SIPA1L1: variants seen among roughly 807,000 people sequenced by gnomAD.
SIPA1L1 encodes the protein signal induced proliferation associated 1 like 1.
SIPA1L1 carries 26 observed loss-of-function variants against 162.7 expected under a neutral mutation model. The observed-to-expected ratio is 0.16, with a 90% CI of 0.12 to 0.22. The LOEUF is 0.22. Among genes scored for constraint, SIPA1L1 ranks in the 10% least tolerant of loss-of-function variants. The probability of loss-of-function intolerance (pLI) is 1.00; values close to 1 mark genes in which losing one functional copy is unlikely to be tolerated. For synonymous variants in SIPA1L1, 829 were observed against 837.4 expected (o/e 0.99, Z 0.17); for missense variants, 1,874 against 2,241.0 (o/e 0.84, Z 3.31).
chr14:71,528,380 C>T (rs911780754), intron 3 of SIPA1L1, among the ~76,000 whole-genome samples: 1 of 152,214 alleles, frequency 6.6e-6, no homozygotes, highest in East Asian at 1.9e-4. Context: ...TTCAGCTGGG[C>T]GCAGTATCTC....
chr14:71,728,098 A>G (rs1372363025), intron 19 of SIPA1L1, among the ~76,000 whole-genome samples: 1 of 152,188 alleles, frequency 6.6e-6, no homozygotes, highest in African/African-American at 2.4e-5. Context: ...TGGAAAAGGA[A>G]ATCCCTTTAC....
chr14:71,342,453 A>C (rs1175116693), intron 2 of SIPA1L1, among the ~76,000 whole-genome samples: 1 of 152,216 alleles, frequency 6.6e-6, no homozygotes, highest in Non-Finnish European at 1.5e-5. Context: ...ACAGTGTATA[A>C]GAGTCCCCTA....
rs995167914 is a variant in SIPA1L1 at position 71,377,117 on chromosome 14, AG to A, written c.-465+55940del. ...CTTTCCAGATGTGGCGGCCGGGCAGAGGGGCCCCCCCACCCCCCAGATGGGG... is the reference window on the plus strand; with the variant it reads ...CTTTCCAGATGTGGCGGCCGGGCAGAGGGCCCCCCCACCCCCCAGATGGGG... On this transcript the variant is annotated intron_variant, in intron 2 of 23. Transcript: ENST00000381232. The surrounding 1 kb of genome is among the most constrained non-coding windows in gnomAD (Gnocchi z 4.8). 2.7e-5 allele frequency among the ~76,000 whole-genome samples: 4 copies of A among 150,354 alleles called. No individual in the cohort carries two copies. The highest frequency in any genetic ancestry group is 9.9e-5 in the African/African-American group (4 of 40,406).
intron 21 of SIPA1L1, among the ~76,000 whole-genome samples, chr14:71,734,985 C>T (rs979208168): frequency 1.1e-4 from 17 of 152,166 alleles, no homozygotes; most frequent in African/African-American, 3.9e-4. Flanking sequence ...AAATTTGGCA[C>T]AAGGACTGTT....
rs529775312 is a variant in SIPA1L1, at chr14:71,637,549, G to T, written c.1819-12786G>T. Among the ~76,000 whole-genome samples the T allele has an allele frequency of 1.8e-4, 28 of 152,140 alleles. No homozygotes were observed. In the East Asian group the frequency reaches 5.4e-3, roughly 29 times the overall value. ...GGTCAGCATTAGCCTGGGCAACATA[G>T]TGAGACACTGTCTCTACAAAAAATT... On this transcript the variant is annotated intron_variant, in intron 7 of 23. Transcript: ENST00000381232.
At chr14:71,651,401 A>C (rs2042606178) in intron 8 of SIPA1L1, among the ~76,000 whole-genome samples, 1 of 152,190 alleles carries the variant, frequency 6.6e-6, no homozygotes, top group Admixed American at 6.5e-5. Flanking sequence ...AGCATTCATA[A>C]ACTCCACTGC....
intron 2 of SIPA1L1, among the ~76,000 whole-genome samples, chr14:71,419,802 G>A (rs1004997551): frequency 6.6e-6 from 1 of 151,964 alleles, no homozygotes; most frequent in East Asian, 1.9e-4. Flanking sequence ...CGGCCAAGGA[G>A]GATCTCTTGA....
At chr14:71,578,357 T>C (rs2033428475) in intron 4 of SIPA1L1, among the ~76,000 whole-genome samples, 4 of 152,192 alleles carry the variant, frequency 2.6e-5, no homozygotes. Flanking sequence ...TGTGAGCCGC[T>C]GCACCTGGCC....
chr14:71,660,920 A>G (rs1457286387), intron 9 of SIPA1L1, among the ~76,000 whole-genome samples: 1 of 152,252 alleles, frequency 6.6e-6, no homozygotes, highest in East Asian at 1.9e-4. Context: ...CAGTTAAACC[A>G]GAACATAAAT....
At chr14:71,567,076 A>G (rs748564098) in intron 4 of SIPA1L1, among the ~76,000 whole-genome samples, 4 of 152,228 alleles carry the variant, frequency 2.6e-5, no homozygotes, top group Non-Finnish European at 4.4e-5. Context: ...AATGAAAGCA[A>G]CAAGATAACA....
chr14:71,527,909 G>A (rs1162756891), intron 3 of SIPA1L1, among the ~76,000 whole-genome samples: 4 of 152,134 alleles, frequency 2.6e-5, no homozygotes, highest in Non-Finnish European at 4.4e-5. Flanking sequence ...TTTTGAGACC[G>A]AGTCTCGCTC....
At chr14:71,559,305 TG>T (rs200677598) in intron 4 of SIPA1L1, among the ~76,000 whole-genome samples, 2,700 of 152,280 alleles carry the variant, frequency 0.018, 47 homozygotes, top group Non-Finnish European at 0.026. Context: ...TGACCTCAGG[TG>T]ATCTGCCCGC....
intron 13 of SIPA1L1, among the ~76,000 whole-genome samples, chr14:71,686,432 G>T (rs116882865): frequency 1.4e-3 from 209 of 152,324 alleles, no homozygotes; most frequent in Non-Finnish European, 2.5e-3. Context: ...TGGCTATACA[G>T]ATTTTAAGTA....
intron 19 of SIPA1L1, among the ~76,000 whole-genome samples, chr14:71,728,594 G>T (rs2084449927): frequency 6.6e-6 from 1 of 152,240 alleles, no homozygotes; most frequent in African/African-American, 2.4e-5. Flanking sequence ...GCGGAAGCAT[G>T]CTAGGCCCTG....
At chr14:71,477,386 A>G (rs1337227077) in intron 2 of SIPA1L1, among the ~76,000 whole-genome samples, 2 of 152,144 alleles carry the variant, frequency 1.3e-5, no homozygotes, top group Non-Finnish European at 2.9e-5. Context: ...AACAAAACAA[A>G]AAAAACAAAA....
At chr14:71,486,368 T>G (rs1445318554) in intron 2 of SIPA1L1, among the ~76,000 whole-genome samples, 2 of 152,228 alleles carry the variant, frequency 1.3e-5, no homozygotes, top group South Asian at 4.1e-4. Context: ...TGTAAGGCCT[T>G]TGTCCCCAAA....
intron 4 of SIPA1L1, among the ~76,000 whole-genome samples, chr14:71,582,561 C>G (rs576264443): frequency 2.0e-5 from 3 of 152,214 alleles, no homozygotes; most frequent in African/African-American, 7.2e-5. Context: ...CCTTTTTGAT[C>G]CTTCCTGTGT....
In SIPA1L1 at chr14:71,529,361, C is replaced by T. The variant is rs1206342807; in HGVS notation, c.-312C>T. 5 of 682,430 alleles carry T rather than the reference C, an allele frequency of 7.3e-6. No homozygotes were observed. Among genetic ancestry groups the T allele is most frequent in the Non-Finnish European group, 1.3e-5 (5 of 374,752 alleles). 42.3% of individuals were successfully genotyped at this position (682,430 alleles called of 1,614,324 possible). A position where few individuals can be genotyped will look rare whatever the true frequency, so the allele number is the denominator to read the frequency against. ...TGTCTAAATTTCGGTAGCCATGGCA[C>T]AAGAATATAGTAAGTACTATGCCAT... On this transcript the variant is annotated 5_prime_UTR_variant, in exon 4 of 24. An upstream open reading frame in the 5' UTR gains an earlier in-frame stop. Coordinates refer to ENST00000381232, the MANE Select transcript of SIPA1L1 (RefSeq NM_001386936.1).
chr14:71,378,318 C>T (rs2039599965), intron 2 of SIPA1L1, among the ~76,000 whole-genome samples: 1 of 151,700 alleles, frequency 6.6e-6, no homozygotes. Flanking sequence ...TGTGGTAGAT[C>T]TTTCTTATTT....
Sources: gnomAD v4.1 joint callset for allele counts (sites outside exome capture counted in the v4.1 genomes callset) on GRCh38, gnomAD v4.1.1 for gene constraint, Gnocchi (gnomAD v3.1) non-coding constraint, MANE v1.5 for transcripts, NCBI Gene and HGNC (gene_info 2026-07-23, HGNC 2026-07-21) for gene names.